The following IDUA variants were observed in gnomAD, a reference collection of about 807,000 sequenced individuals.
The protein encoded by IDUA is alpha-L-iduronidase, also known as iduronidase alpha-L-.
A neutral mutation model predicts 68.9 loss-of-function variants in IDUA; 65 were observed. The ratio of observed to expected loss-of-function variants is 0.94; its 90% CI spans 0.77 to 1.16. IDUA has a LOEUF of 1.16. Among genes scored for constraint, IDUA ranks in the 50% most tolerant of loss-of-function variants. The probability of loss-of-function intolerance (pLI) is 0.00; values close to 1 mark genes in which losing one functional copy is unlikely to be tolerated. For synonymous variants in IDUA, 529 were observed against 433.6 expected (o/e 1.22, Z -2.73); for missense variants, 1,046 against 938.0 (o/e 1.12, Z -1.50).
At chr4:990,902 C>T (rs552159079) in intron 2 of IDUA, 16 of 534,460 alleles carry the variant, frequency 3.0e-5, no homozygotes, top group East Asian at 2.2e-4. Flanking sequence ...CATGGCCCAC[C>T]GGACTGGCTC....
intron 2 of IDUA, among the ~76,000 whole-genome samples, chr4:998,188 C>A (rs1307701014): frequency 1.3e-5 from 2 of 152,180 alleles, no homozygotes; most frequent in Non-Finnish European, 2.9e-5. Flanking sequence ...TGCTGGACAC[C>A]CAGCCCGGGG....
At chr4:991,879 C>T in intron 2 of IDUA, 1 of 1,419,124 alleles carries the variant, frequency 7.0e-7, no homozygotes. Flanking sequence ...CAGCGCGGGC[C>T]CCAGCCCCCT....
At position 1,002,929 on chromosome 4, in the gene IDUA, G is replaced by A. The variant is rs1715194225; in HGVS notation, c.1387G>A (p.Val463Met). ...CGCGGTGACCCTGCGGCTGCGCGGG[G>A]TGCCCCCCGGCCCGGGTAAGCCGGG... ...SVAVTLRLRGVPPGPGLVYVT... is the reference protein window; with the variant it reads ...SVAVTLRLRGMPPGPGLVYVT... The change falls in exon 9 of 14, where the codon GTG (valine) becomes ATG (methionine). Residue 463 changes from valine (V) to methionine (M), a missense_variant. Val to Met is a conservative substitution (Grantham distance 21, BLOSUM62 1). Coordinates refer to ENST00000514224, the MANE Select transcript of IDUA (RefSeq NM_000203.5). The A allele has an allele frequency of 7.3e-7, 1 of 1,361,416 alleles. No individual in the cohort carries two copies. Among genetic ancestry groups the A allele is most frequent in the Non-Finnish European group, 9.4e-7 (1 of 1,065,204 alleles). The allele number at this position is 1,361,416 out of a possible 1,614,324, so 84.3% of individuals were successfully genotyped here.
chr4:993,903 G>C (rs764964907), intron 2 of IDUA, among the ~76,000 whole-genome samples: 6 of 152,224 alleles, frequency 3.9e-5, no homozygotes, highest in East Asian at 1.9e-4. Context: ...CCTGTGTGTG[G>C]TGCTCACCGC....
chr4:989,238 C>A, intron 2 of IDUA: 1 of 1,612,478 alleles, frequency 6.2e-7, no homozygotes, highest in Non-Finnish European at 8.5e-7. Flanking sequence ...CAGCCATGCA[C>A]CCTGCGTCCA....
rs1021807484 is a variant in IDUA at position 1,004,271 on chromosome 4, G to C, written c.1840G>C (p.Val614Leu). Residue 614 changes from valine (V) to leucine (L), a missense_variant, in exon 14 of 14, where the codon GTC becomes CTC. Val to Leu is a conservative substitution (Grantham distance 32). Transcript: ENST00000514224. This position sits in a 1 kb window ranked among gnomAD's most constrained non-coding sequence, Gnocchi z 5.0. ...LFVFSPDTGA[V>L]SGSYRVRALD... ...CCCCTTGTCTCCAGACACAGGTGCT[G>C]TCTCTGGCTCCTACCGAGTTCGAGC... 6.2e-7 allele frequency: 1 copy of C among 1,610,262 alleles called. No homozygotes were observed. Among genetic ancestry groups the C allele is most frequent in the Non-Finnish European group, 8.5e-7 (1 of 1,179,972 alleles).
Position 1,003,906 on chromosome 4 carries a change from G to A in IDUA, c.1728-106G>A, listed in dbSNP as rs575068840. On this transcript the variant is annotated intron_variant, in intron 12 of 13. Transcript: ENST00000514224. The stretch of plus-strand genomic sequence containing the variant: ...CCAGGGGCTGGGGAGGTGCCGCCGA[G>A]GGGCTTGAGGGAATGAGGCTGTGGG... The A allele has an allele frequency of 7.0e-6, 7 of 999,308 alleles. No homozygotes were observed. In the South Asian group the frequency reaches 8.9e-5, roughly 13 times the overall value. 61.9% of individuals were successfully genotyped at this position (999,308 alleles called of 1,614,324 possible). A position where few individuals can be genotyped will look rare whatever the true frequency, so the allele number is the denominator to read the frequency against.
intron 3 of IDUA, 63 bp from the exon 4 acceptor site, chr4:1,000,819 C>A: frequency 6.6e-7 from 1 of 1,511,918 alleles, no homozygotes; most frequent in Non-Finnish European, 9.2e-7. Context: ...TGCCGGAGCA[C>A]AGGCCTGGCA....
chr4:988,350 GGT>G, intron 2 of IDUA: 1 of 1,084,278 alleles, frequency 9.2e-7, no homozygotes, highest in Non-Finnish European at 1.1e-6. Flanking sequence ...GGAGGCACGA[GGT>G]GTGAGGGGCA....
At chr4:996,055 C>T (rs1025285504) in intron 2 of IDUA, among the ~76,000 whole-genome samples, 24 of 152,334 alleles carry the variant, frequency 1.6e-4, no homozygotes, top group African/African-American at 4.3e-4. Flanking sequence ...ATAGCCTCCA[C>T]CTGGGATGCC....
chr4:987,196 C>G lies in IDUA; in HGVS notation c.112C>G (p.Arg38Gly). Reference sequence around the variant, plus strand: ...GCACCTGGTGCATGTGGACGCGGCCCGCGCGCTGTGGCCCCTGCGGCGCTT... The same window carrying G: ...GCACCTGGTGCATGTGGACGCGGCCGGCGCGCTGTGGCCCCTGCGGCGCTT... ...APHLVHVDAARALWPLRRFWR... is the reference protein window; with the variant it reads ...APHLVHVDAAGALWPLRRFWR... Residue 38 changes from arginine to glycine, a missense_variant, in exon 1 of 14, where the codon CGC becomes GGC. Physicochemically the swap from Arg to Gly is moderately radical, Grantham distance 125. Transcript: ENST00000514224. 1 of 1,478,314 alleles carries G rather than the reference C, an allele frequency of 6.8e-7. No individual in the cohort carries two copies. Among genetic ancestry groups the G allele is most frequent in the Non-Finnish European group, 8.9e-7 (1 of 1,121,030 alleles). The allele number at this position is 1,478,314 out of a possible 1,614,324, so 91.6% of individuals were successfully genotyped here.
Position 1,004,150 on chromosome 4 carries a change from C to T in IDUA, c.1828+38C>T. ...CCCGCTGCCCTGGACTCGGCCACCC[C>T]ATTCTTGGGCCTCAGGGCAGTACTG... On this transcript the variant is annotated intron_variant, in intron 13 of 13. Coordinates refer to ENST00000514224, the MANE Select transcript of IDUA (RefSeq NM_000203.5). This position sits in a 1 kb window ranked among gnomAD's most constrained non-coding sequence, Gnocchi z 5.0. The T allele has an allele frequency of 6.2e-7, 1 of 1,611,292 alleles. No individual in the cohort carries two copies. Among genetic ancestry groups the T allele is most frequent in the Non-Finnish European group, 8.5e-7 (1 of 1,178,582 alleles).
intron 2 of IDUA, chr4:990,995 C>T: frequency 1.0e-6 from 1 of 956,094 alleles, no homozygotes; most frequent in Non-Finnish European, 1.5e-6. Flanking sequence ...CCAGCTCTGC[C>T]CAAGCCTTGC....
At chr4:988,746 C>G (rs1713950309) in intron 2 of IDUA, 28 of 1,435,672 alleles carry the variant, frequency 2.0e-5, no homozygotes, top group African/African-American at 2.9e-5. Context: ...GGTGGCTCCT[C>G]CCTGGGAAGG....
Position 999,522 on chromosome 4 carries a change from G to A in IDUA, c.300-1090G>A, listed in dbSNP as rs552872616. Among the ~76,000 whole-genome samples, 40 of 152,360 alleles carry A rather than the reference G, an allele frequency of 2.6e-4. 1 individual carries two copies. The South Asian group carries it at 4.8e-3, about 18-fold the overall frequency. On this transcript the variant is annotated intron_variant, in intron 2 of 13. Transcript: ENST00000514224. The stretch of plus-strand genomic sequence containing the variant: ...AGGTGTCTCCTCAGAGAGGTCCCTC[G>A]CTGACCATCAGGCTCCTCACTCCCT...
intron 2 of IDUA, chr4:992,838 T>TA (rs1219608286): frequency 6.6e-6 from 1 of 152,238 alleles, no homozygotes; most frequent in East Asian, 1.9e-4. Flanking sequence ...ACTTTCACTT[T>TA]AAACATTCTT....
chr4:987,969 T>C lies in IDUA; in HGVS notation c.299+20T>C. 1.3e-6 allele frequency: 2 copies of C among 1,553,964 alleles called. No homozygotes were observed. Among genetic ancestry groups the C allele is most frequent in the Non-Finnish European group, 1.7e-6 (2 of 1,148,544 alleles). On this transcript the variant is annotated intron_variant, in intron 2 of 13. Transcript: ENST00000514224. Reference sequence around the variant, plus strand: ...CACCAGGTGGGCGGCGGGCAGGGTCTGGGCGTCCCAGAGCCCCTTACAGAG... The same window carrying C: ...CACCAGGTGGGCGGCGGGCAGGGTCCGGGCGTCCCAGAGCCCCTTACAGAG...
At chr4:998,988 AG>A (rs761520020) in intron 2 of IDUA, among the ~76,000 whole-genome samples, 6 of 152,062 alleles carry the variant, frequency 3.9e-5, no homozygotes, top group South Asian at 2.1e-4. Flanking sequence ...GCGGATCACG[AG>A]GTCAGGAAAT....
At chr4:990,342 C>T (rs554823905) in intron 2 of IDUA, 2 of 1,601,630 alleles carry the variant, frequency 1.2e-6, no homozygotes, top group South Asian at 2.2e-5. Context: ...CGAAGCCCAG[C>T]CGGAGGACGC....
Sources: gnomAD v4.1 joint callset for allele counts (sites outside exome capture counted in the v4.1 genomes callset) on GRCh38, gnomAD v4.1.1 for gene constraint, Gnocchi (gnomAD v3.1) non-coding constraint, MANE v1.5 for transcripts, NCBI Gene and HGNC (gene_info 2026-07-23, HGNC 2026-07-21) for gene names.